CNTNAP2: variants seen among roughly 807,000 people sequenced by gnomAD.
The protein encoded by CNTNAP2 is contactin associated protein 2.
In CNTNAP2, 98 loss-of-function variants were observed where a neutral mutation model predicts 155.2. The observed-to-expected ratio is 0.63, with a 90% confidence interval of 0.54 to 0.75. The LOEUF (loss-of-function observed/expected upper bound fraction) is 0.75. CNTNAP2 is among the 30% of genes least tolerant of loss of function. CNTNAP2 has a pLI of 0.00. For synonymous variants in CNTNAP2, 651 were observed against 631.2 expected (o/e 1.03, Z -0.47); for missense variants, 1,727 against 1,688.1 (o/e 1.02, Z -0.40).
At chr7:147,971,153 C>G (rs961959754) in intron 14 of CNTNAP2, among the ~76,000 whole-genome samples, 3 of 152,100 alleles carry the variant, frequency 2.0e-5, no homozygotes, top group Admixed American at 6.5e-5. Flanking sequence ...TAGAAGACAC[C>G]AAAGCCAGGA....
chr7:147,151,136 G>A (rs1801816066), intron 8 of CNTNAP2, among the ~76,000 whole-genome samples: 1 of 152,204 alleles, frequency 6.6e-6, no homozygotes, highest in Non-Finnish European at 1.5e-5. Context: ...TATCTGTGAT[G>A]ATAGCCATGG....
intron 1 of CNTNAP2, among the ~76,000 whole-genome samples, chr7:146,221,716 G>T (rs1256015344): frequency 6.6e-6 from 1 of 152,200 alleles, no homozygotes; most frequent in Non-Finnish European, 1.5e-5. Flanking sequence ...GAATTCTGTT[G>T]TGAGAGCACT....
intron 8 of CNTNAP2, among the ~76,000 whole-genome samples, chr7:147,272,005 G>A (rs1804764014): frequency 6.6e-6 from 1 of 152,080 alleles, no homozygotes; most frequent in Non-Finnish European, 1.5e-5. Context: ...CAATTCTCAT[G>A]CCTCAGCCTC....
chr7:146,872,162 ATTT>A (rs144291754), intron 3 of CNTNAP2, among the ~76,000 whole-genome samples: 107 of 111,496 alleles, frequency 9.6e-4, no homozygotes, highest in Admixed American at 1.2e-3. Flanking sequence ...AAATTATTGA[ATTT>A]TTTTTTTTTT....
chr7:146,550,869 T>A (rs2129142721), intron 1 of CNTNAP2, among the ~76,000 whole-genome samples: 1 of 152,204 alleles, frequency 6.6e-6, no homozygotes, highest in African/African-American at 2.4e-5. Context: ...ATTCAGGGGA[T>A]GCTTCATGAA....
chr7:147,332,036 C>A (rs1054234648), intron 9 of CNTNAP2, among the ~76,000 whole-genome samples: 1 of 152,118 alleles, frequency 6.6e-6, no homozygotes, highest in Admixed American at 6.5e-5. Context: ...ATGGCTTTGG[C>A]AATAGTTAAT....
chr7:147,257,600 C>T (rs1804360652), intron 8 of CNTNAP2, among the ~76,000 whole-genome samples: 1 of 152,196 alleles, frequency 6.6e-6, no homozygotes, highest in Non-Finnish European at 1.5e-5. Flanking sequence ...TACGGTACCG[C>T]CATCAGGCAT....
chr7:146,653,412 T>A (rs575930918), intron 1 of CNTNAP2, among the ~76,000 whole-genome samples: 39 of 152,292 alleles, frequency 2.6e-4, no homozygotes, highest in Non-Finnish European at 5.4e-4. Context: ...GTCACTGCCT[T>A]CATGGAGCTT....
chr7:148,003,532 G>A (rs1031285486), intron 15 of CNTNAP2, among the ~76,000 whole-genome samples: 16 of 152,206 alleles, frequency 1.1e-4, no homozygotes, highest in Non-Finnish European at 2.2e-4. Flanking sequence ...CAAGGTTGGA[G>A]AAGGGGTTAC....
At chr7:146,787,517 C>T (rs532063513) in intron 2 of CNTNAP2, among the ~76,000 whole-genome samples, 5 of 152,250 alleles carry the variant, frequency 3.3e-5, no homozygotes, top group African/African-American at 7.2e-5. Flanking sequence ...CTGGTGGGTT[C>T]GTGGTCTCCC....
chr7:147,561,610 CT>C (rs1562997946), intron 11 of CNTNAP2, among the ~76,000 whole-genome samples: 3 of 151,894 alleles, frequency 2.0e-5, no homozygotes, highest in African/African-American at 4.8e-5. Context: ...AATCTCTTTC[CT>C]TTTTTTGAGA....
At chr7:147,241,201 T>C (rs1803929203) in intron 8 of CNTNAP2, among the ~76,000 whole-genome samples, 1 of 152,234 alleles carries the variant, frequency 6.6e-6, no homozygotes, top group Admixed American at 6.5e-5. Context: ...AGGCAGCTAC[T>C]GTCTTTAAGA....
intron 10 of CNTNAP2, among the ~76,000 whole-genome samples, chr7:147,463,635 C>T (rs1798063028): frequency 6.6e-6 from 1 of 152,144 alleles, no homozygotes; most frequent in Admixed American, 6.5e-5. Context: ...ACTCCAGTAA[C>T]ATAGATCTCT....
In CNTNAP2 at chr7:146,726,360, G is replaced by A. The variant is rs182959900; in HGVS notation, c.98-47911G>A. On this transcript the variant is annotated intron_variant, in intron 1 of 23. Coordinates refer to ENST00000361727, the MANE Select transcript of CNTNAP2 (RefSeq NM_014141.6). ...CCAATGCTTTGAGAAGTAAATAATGGGGGTAAATAAAATAAAATTGGTAAG... is the reference window on the plus strand; with the variant it reads ...CCAATGCTTTGAGAAGTAAATAATGAGGGTAAATAAAATAAAATTGGTAAG... Among the ~76,000 whole-genome samples the A allele has an allele frequency of 1.7e-3, 258 of 152,054 alleles. 1 individual carries two copies. The highest frequency in any genetic ancestry group is 5.9e-3 in the African/African-American group (246 of 41,484).
In CNTNAP2 at chr7:147,366,781, GCACACACA is replaced by G. The variant is rs71182194; in HGVS notation, c.1499-28804_1499-28797del. ...GTGATTTTTTACGAATTTGTTGCAC[GCACACACA>G]CACACACACACACACACACACACCC... On this transcript the variant is annotated intron_variant, in intron 9 of 23. Coordinates refer to ENST00000361727, the MANE Select transcript of CNTNAP2 (RefSeq NM_014141.6). 2.2e-3 allele frequency among the ~76,000 whole-genome samples: 235 copies of G among 105,960 alleles called. 3 individuals are homozygous for G. The highest frequency in any genetic ancestry group is 5.7e-3 in the African/African-American group (215 of 37,474). The allele number at this position is 105,960 out of a possible 152,430, so 69.5% of individuals were successfully genotyped here.
intron 13 of CNTNAP2, among the ~76,000 whole-genome samples, chr7:147,896,755 C>T (rs755998786): frequency 2.6e-5 from 4 of 152,164 alleles, no homozygotes; most frequent in Non-Finnish European, 5.9e-5. Flanking sequence ...CTGCATGACT[C>T]TTAACTATAA....
intron 1 of CNTNAP2, among the ~76,000 whole-genome samples, chr7:146,119,657 G>C (rs1020121378): frequency 3.3e-5 from 5 of 152,064 alleles, no homozygotes; most frequent in Non-Finnish European, 5.9e-5. Context: ...TCTAAATGAT[G>C]AGGAGATTAA....
chr7:148,215,569 C>G (rs1795622286), intron 18 of CNTNAP2, among the ~76,000 whole-genome samples: 2 of 149,752 alleles, frequency 1.3e-5, no homozygotes, highest in South Asian at 2.1e-4. Flanking sequence ...AACTTTCACA[C>G]ATGTGTGTGG....
intron 4 of CNTNAP2, among the ~76,000 whole-genome samples, chr7:147,106,288 TA>T (rs1800763529): frequency 6.6e-6 from 1 of 152,128 alleles, no homozygotes; most frequent in Admixed American, 6.6e-5. Flanking sequence ...CTTTTCAAGA[TA>T]AAAAGTATCA....
Sources: gnomAD v4.1 joint callset for allele counts (sites outside exome capture counted in the v4.1 genomes callset) on GRCh38, gnomAD v4.1.1 for gene constraint, MANE v1.5 for transcripts, NCBI Gene and HGNC (gene_info 2026-07-23, HGNC 2026-07-21) for gene names.